ECHS1: variants seen among roughly 807,000 people sequenced by gnomAD.
The protein encoded by ECHS1 is enoyl-CoA hydratase, short chain 1.
A neutral mutation model predicts 33.5 loss-of-function variants in ECHS1; 19 were observed. The ratio of observed to expected loss-of-function variants is 0.57; its 90% CI spans 0.40 to 0.83. The LOEUF (loss-of-function observed/expected upper bound fraction) is 0.83. ECHS1 is among the 40% of genes least tolerant of loss of function. The pLI, the probability that ECHS1 is intolerant of heterozygous loss-of-function variation, is 0.00. For synonymous variants in ECHS1, 158 were observed against 146.6 expected (o/e 1.08, Z -0.56); for missense variants, 365 against 381.3 (o/e 0.96, Z 0.36).
At chr10:133,367,375 C>G (rs1297956917) in intron 4 of ECHS1, among the ~76,000 whole-genome samples, 1 of 151,110 alleles carries the variant, frequency 6.6e-6, no homozygotes, top group Non-Finnish European at 1.5e-5. Flanking sequence ...TAATATTACT[C>G]TTTGTTGTAT....
In ECHS1 at chr10:133,362,698, G is replaced by T; in HGVS notation, c.*170C>A. ...CAGTCAGGACCCTCACAGGCTGGGT[G>T]ACGAAGGCTGTCATGCCGTGAGAGG... On this transcript the variant is annotated 3_prime_UTR_variant, in exon 8 of 8. Transcript: ENST00000368547. 1 of 696,456 alleles carries T rather than the reference G, an allele frequency of 1.4e-6. No homozygotes were observed. The highest frequency in any genetic ancestry group is 2.5e-6 in the Non-Finnish European group (1 of 398,904). 43.1% of individuals were successfully genotyped at this position (696,456 alleles called of 1,614,324 possible). A position where few individuals can be genotyped will look rare whatever the true frequency, so the allele number is the denominator to read the frequency against.
intron 1 of ECHS1, among the ~76,000 whole-genome samples, chr10:133,372,214 G>T (rs1050923362): frequency 6.6e-6 from 1 of 152,248 alleles, no homozygotes; most frequent in Non-Finnish European, 1.5e-5. Flanking sequence ...GCCAAGGAGA[G>T]CATGGAGATG....
At chr10:133,363,881 C>T (rs1329077086) in intron 7 of ECHS1, among the ~76,000 whole-genome samples, 1 of 152,118 alleles carries the variant, frequency 6.6e-6, no homozygotes, top group Non-Finnish European at 1.5e-5. Context: ...TTCAGCTTAT[C>T]TTATTAGAAT....
intron 4 of ECHS1, among the ~76,000 whole-genome samples, chr10:133,367,999 C>T (rs963505746): frequency 6.6e-5 from 10 of 152,168 alleles, no homozygotes; most frequent in African/African-American, 1.4e-4. Flanking sequence ...CCCAGCCATT[C>T]GGGGCCACTA....
Position 133,363,454 on chromosome 10 carries a change from G to A in ECHS1, c.808-521C>T, listed in dbSNP as rs371568859. 1.1e-3 allele frequency among the ~76,000 whole-genome samples: 163 copies of A among 152,160 alleles called. 1 individual carries two copies. The highest frequency in any genetic ancestry group is 3.4e-3 in the Middle Eastern group (1 of 294). On this transcript the variant is annotated intron_variant, in intron 7 of 7. Coordinates refer to ENST00000368547, the MANE Select transcript of ECHS1 (RefSeq NM_004092.4). ...TATTTTATAGAACAATTAAAACACC[G>A]AAGTATGACTTTCTCCCAGTGAAAG...
At chr10:133,373,187 G>C in intron 1 of ECHS1, 59 bp downstream of exon 1, 1 of 1,330,524 alleles carries the variant, frequency 7.5e-7, no homozygotes, top group Non-Finnish European at 9.7e-7. Flanking sequence ...GATCTGGTCT[G>C]GGCGTGCAGG....
At chr10:133,368,577 A>T (rs1849062941) in intron 4 of ECHS1, among the ~76,000 whole-genome samples, 1 of 152,120 alleles carries the variant, frequency 6.6e-6, no homozygotes, top group Non-Finnish European at 1.5e-5. Context: ...GTGAGATGGC[A>T]GTGTGCAGAG....
Position 133,366,081 on chromosome 10 carries a change from T to C in ECHS1, c.634A>G (p.Ile212Val), listed in dbSNP as rs1849023962. Reference sequence around the variant, plus strand: ...TCCACCAGTGTCTCAACAGGACAAATCTTGCTGACAAGACCTGAAACACAA... The same window carrying C: ...TCCACCAGTGTCTCAACAGGACAAACCTTGCTGACAAGACCTGAAACACAA... ...DAKQAGLVSK[I>V]CPVETLVEEA... The change falls in exon 6 of 8, where the codon ATT (isoleucine) becomes GTT (valine). Residue 212 changes from isoleucine to valine, a missense_variant. By Grantham distance (29) the Ile-to-Val change is conservative. Coordinates refer to ENST00000368547, the MANE Select transcript of ECHS1 (RefSeq NM_004092.4). The C allele has an allele frequency of 1.9e-6, 3 of 1,613,636 alleles. No individual in the cohort carries two copies. The highest frequency in any genetic ancestry group is 2.5e-6 in the Non-Finnish European group (3 of 1,179,942).
chr10:133,371,878 C>T (rs1029436665), intron 1 of ECHS1, among the ~76,000 whole-genome samples: 1 of 152,132 alleles, frequency 6.6e-6, no homozygotes, highest in African/African-American at 2.4e-5. Flanking sequence ...CTCACTGCGA[C>T]CTCTGCCTAC....
At chr10:133,370,138 T>C (rs1021426638) in intron 2 of ECHS1, 107 bp from the exon 3 acceptor site, 55 of 1,472,062 alleles carry the variant, frequency 3.7e-5, no homozygotes, top group Admixed American at 6.5e-5. Flanking sequence ...ACACAGGCAG[T>C]GGGGTTGCTG....
chr10:133,369,857 G>A (rs763297386), intron 3 of ECHS1, 47 bp downstream of exon 3: 26 of 1,608,014 alleles, frequency 1.6e-5, no homozygotes, highest in Middle Eastern at 2.0e-4. Context: ...TGCACAGCAC[G>A]GTTCCTTCAA....
At chr10:133,368,683 ACCAG>A (rs1477210440) in intron 4 of ECHS1, among the ~76,000 whole-genome samples, 1 of 151,980 alleles carries the variant, frequency 6.6e-6, no homozygotes, top group African/African-American at 2.4e-5. Context: ...GTTACCCAGG[ACCAG>A]CCTCTCCCAA....
In ECHS1 at chr10:133,373,247, C is replaced by T; in HGVS notation, c.87G>A (p.Ser29=). The change falls in exon 1 of 8, where the codon TCG becomes TCA. Residue 29 remains serine, a splice_region_variant and synonymous_variant. Transcript: ENST00000368547. The part of the protein sequence containing the change: ...VRCPAWRPFA[S]GANFEYIIAE... Reference sequence around the variant, plus strand: ...CGCCAGCTCTCACCGCGCACTCACCCGAGGCGAAGGGACGCCAGGCGGGAC... The same window carrying T: ...CGCCAGCTCTCACCGCGCACTCACCTGAGGCGAAGGGACGCCAGGCGGGAC... The T allele has an allele frequency of 7.0e-7, 1 of 1,435,870 alleles. No individual in the cohort carries two copies. 88.9% of individuals were successfully genotyped at this position (1,435,870 alleles called of 1,614,324 possible). A position where few individuals can be genotyped will look rare whatever the true frequency, so the allele number is the denominator to read the frequency against.
At chr10:133,371,145 C>T (rs535403985) in intron 1 of ECHS1, among the ~76,000 whole-genome samples, 19 of 151,978 alleles carry the variant, frequency 1.3e-4, no homozygotes, top group Non-Finnish European at 2.1e-4. Context: ...GGTGTTGTGG[C>T]GGGCGCCTGT....
At chr10:133,363,225 C>T (rs567100764) in intron 7 of ECHS1, among the ~76,000 whole-genome samples, 8 of 152,366 alleles carry the variant, frequency 5.3e-5, no homozygotes, top group African/African-American at 1.9e-4. Flanking sequence ...TGGTCACTCA[C>T]CATGTCATCA....
Position 133,362,682 on chromosome 10 carries a change from C to T in ECHS1, c.*186G>A. On this transcript the variant is annotated 3_prime_UTR_variant, in exon 8 of 8. Transcript: ENST00000368547. The stretch of plus-strand genomic sequence containing the variant: ...GATTTAGAAGGTGCTCCAGTCAGGA[C>T]CCTCACAGGCTGGGTGACGAAGGCT... 1 of 648,364 alleles carries T rather than the reference C, an allele frequency of 1.5e-6. No homozygotes were observed. Among genetic ancestry groups the T allele is most frequent in the Non-Finnish European group, 2.8e-6 (1 of 363,596 alleles). 40.2% of individuals were successfully genotyped at this position (648,364 alleles called of 1,614,324 possible). A position where few individuals can be genotyped will look rare whatever the true frequency, so the allele number is the denominator to read the frequency against.
chr10:133,366,484 C>G (rs142430392), intron 5 of ECHS1, among the ~76,000 whole-genome samples: 2 of 152,384 alleles, frequency 1.3e-5, no homozygotes, highest in East Asian at 3.9e-4. Context: ...TGGTTCACTT[C>G]CGTACATACA....
chr10:133,368,945 C>T lies in ECHS1; in HGVS notation c.492G>A (p.Glu164=). ...TACCTGGGATGGTTCCTATTAAGAT[C>T]TCCGGCTGTGCAAACTGGGCCTTCT... ...AGEKAQFAQP[E]ILIGTIPGAG... The change falls in exon 4 of 8, where the codon GAG becomes GAA. Residue 164 remains glutamate, a synonymous_variant. Transcript: ENST00000368547. 6.2e-7 allele frequency: 1 copy of T among 1,613,738 alleles called. No individual in the cohort carries two copies. The highest frequency in any genetic ancestry group is 2.2e-5 in the East Asian group (1 of 44,878).
At chr10:133,365,160 C>T (rs891946538) in intron 6 of ECHS1, among the ~76,000 whole-genome samples, 2 of 152,214 alleles carry the variant, frequency 1.3e-5, no homozygotes, top group East Asian at 1.9e-4. Flanking sequence ...GTTCTTTGCA[C>T]GAGGCCAAGC....
Sources: gnomAD v4.1 joint callset for allele counts (sites outside exome capture counted in the v4.1 genomes callset) on GRCh38, gnomAD v4.1.1 for gene constraint, MANE v1.5 for transcripts, NCBI Gene and HGNC (gene_info 2026-07-23, HGNC 2026-07-21) for gene names.